Variants in FNDC3B observed in about 807,000 individuals in gnomAD.
The protein encoded by FNDC3B is fibronectin type III domain-containing protein 3B.
In FNDC3B, 12 loss-of-function variants were observed where a neutral mutation model predicts 151.5. That is an observed-to-expected ratio of 0.08 (90% CI 0.05 to 0.13). The LOEUF is 0.13. Ranked by LOEUF, FNDC3B falls within the 10% of genes least tolerant of loss-of-function variation. The probability of loss-of-function intolerance (pLI) is 1.00; values close to 1 mark genes in which losing one functional copy is unlikely to be tolerated. For missense variants in FNDC3B, 1,214 were observed against 1,505.3 expected (o/e 0.81, Z 3.20); for synonymous variants, 528 against 549.0 (o/e 0.96, Z 0.54).
chr3:172,068,362 A>G (rs2108482993), intron 1 of FNDC3B, among the ~76,000 whole-genome samples: 1 of 151,092 alleles, frequency 6.6e-6, no homozygotes, highest in African/African-American at 2.4e-5. Context: ...TTTTACTTGA[A>G]TTAATTTTGT....
At chr3:172,278,908 C>T (rs1280838982) in intron 6 of FNDC3B, among the ~76,000 whole-genome samples, 1 of 152,080 alleles carries the variant, frequency 6.6e-6, no homozygotes, top group Non-Finnish European at 1.5e-5. Flanking sequence ...GCCTGGGCAA[C>T]AGAGTGAGAC....
At chr3:172,199,186 A>AT (rs59302352) in intron 3 of FNDC3B, among the ~76,000 whole-genome samples, 8,410 of 128,164 alleles carry the variant, frequency 0.066, 584 homozygotes, top group African/African-American at 0.18. Context: ...TTTATTTTTT[A>AT]TTTTTTTTTT....
intron 20 of FNDC3B, 29 bp from the exon 21 acceptor site, chr3:172,347,168 CTTCTCAGTGGCATTA>C (rs779156998): frequency 6.4e-7 from 1 of 1,565,874 alleles, no homozygotes; most frequent in South Asian, 1.2e-5. Context: ...GTAGGATTCT[CTTCTCAGTGGCATTA>C]TTAACTACTT....
At chr3:172,146,205 G>T (rs1479635282) in intron 3 of FNDC3B, among the ~76,000 whole-genome samples, 3 of 152,152 alleles carry the variant, frequency 2.0e-5, no homozygotes, top group Non-Finnish European at 4.4e-5. Flanking sequence ...GGATTAAATT[G>T]GTTAATTTAT....
chr3:172,064,899 T>C lies in FNDC3B; in HGVS notation c.-29+25128T>C, dbSNP rs536831392. On this transcript the variant is annotated intron_variant, in intron 1 of 25. Transcript: ENST00000415807. ...TGAAGAAAGTGATTCTGCTAGTCAGTGGGGTTTAAAAACAAGTGTCCACCA... is the reference window on the plus strand; with the variant it reads ...TGAAGAAAGTGATTCTGCTAGTCAGCGGGGTTTAAAAACAAGTGTCCACCA... Among the ~76,000 whole-genome samples, 8 of 152,344 alleles carry C rather than the reference T, an allele frequency of 5.3e-5. 2 individuals are homozygous for C. Among genetic ancestry groups the C allele is most frequent in the African/African-American group, 1.9e-4 (8 of 41,582 alleles).
At chr3:172,220,926 T>C (rs1411748912) in intron 3 of FNDC3B, among the ~76,000 whole-genome samples, 1 of 60,704 alleles carries the variant, frequency 1.6e-5, no homozygotes, top group Non-Finnish European at 3.8e-5. Context: ...TCTGGCTCTA[T>C]TAAAAAAAAA....
At chr3:172,315,367 A>G (rs559415888) in intron 11 of FNDC3B, among the ~76,000 whole-genome samples, 1 of 152,304 alleles carries the variant, frequency 6.6e-6, no homozygotes, top group South Asian at 2.1e-4. Context: ...ACAGAGCGAG[A>G]CTTGTCTCTG....
intron 4 of FNDC3B, among the ~76,000 whole-genome samples, chr3:172,246,619 G>C (rs553829888): frequency 6.6e-6 from 1 of 152,220 alleles, no homozygotes; most frequent in African/African-American, 2.4e-5. Flanking sequence ...GGGCACGGTC[G>C]TGCATGCCTG....
chr3:172,181,401 A>AC (rs1336086987), intron 3 of FNDC3B, among the ~76,000 whole-genome samples: 1 of 145,120 alleles, frequency 6.9e-6, no homozygotes, highest in Non-Finnish European at 1.5e-5. Context: ...TCTCCAAAAA[A>AC]AAAAAAAAAA....
intron 6 of FNDC3B, among the ~76,000 whole-genome samples, chr3:172,259,365 A>G (rs1389077830): frequency 6.6e-6 from 1 of 152,210 alleles, no homozygotes; most frequent in Non-Finnish European, 1.5e-5. Flanking sequence ...GTAGGCTGCC[A>G]GATCTCTCTG....
chr3:172,362,803 A>G lies in FNDC3B; in HGVS notation c.2966A>G (p.Glu989Gly), dbSNP rs1734429158. 3 of 1,613,924 alleles carry G rather than the reference A, an allele frequency of 1.9e-6. No homozygotes were observed. Among genetic ancestry groups the G allele is most frequent in the African/African-American group, 1.3e-5 (1 of 74,930 alleles). ...AGTAACTCCAAGACACATGCTGCTG[A>G]GGACATTGTGTACACACTACAGCTG... Reference protein sequence around the residue: ...GDSNSKTHAAEDIVYTLQLED... With the variant: ...GDSNSKTHAAGDIVYTLQLED... Residue 989 changes from glutamate to glycine, a missense_variant, in exon 23 of 26, where the codon GAG becomes GGG. Coordinates refer to ENST00000415807, the MANE Select transcript of FNDC3B (RefSeq NM_022763.4).
intron 1 of FNDC3B, among the ~76,000 whole-genome samples, chr3:172,046,160 A>G (rs190830350): frequency 6.6e-6 from 1 of 152,296 alleles, no homozygotes; most frequent in Admixed American, 6.5e-5. Context: ...TCAGCCATCT[A>G]CATACAGATG....
intron 7 of FNDC3B, among the ~76,000 whole-genome samples, chr3:172,289,360 G>A (rs1052573397): frequency 7.2e-5 from 11 of 152,058 alleles, no homozygotes; most frequent in Admixed American, 6.5e-5. Context: ...TCCAGGTTAA[G>A]TCTCCCCTTC....
chr3:172,135,851 C>A (rs549538983), intron 3 of FNDC3B, among the ~76,000 whole-genome samples: 11 of 152,328 alleles, frequency 7.2e-5, no homozygotes, highest in Non-Finnish European at 1.5e-4. Flanking sequence ...GTGAATACTT[C>A]ATTCCAGTTG....
At chr3:172,290,845 G>A (rs536120957) in intron 7 of FNDC3B, among the ~76,000 whole-genome samples, 4 of 152,206 alleles carry the variant, frequency 2.6e-5, no homozygotes, top group African/African-American at 9.6e-5. Context: ...TTGTGGTGGT[G>A]TTTCTCATGA....
rs1247516460 is a variant in FNDC3B at position 172,247,611 on chromosome 3, T to C, written c.343T>C (p.Ser115Pro). The change falls in exon 5 of 26, where the codon TCA becomes CCA. Residue 115 changes from serine to proline, a missense_variant. Ser to Pro is a moderately conservative substitution (Grantham distance 74, BLOSUM62 -1). This residue lies in a region of FNDC3B where 113 missense variants were observed against 177.8 expected (regional missense o/e 0.64). Transcript: ENST00000415807. ...TGAGTGTTATCCCCCAAGCTACCCCTCAGCCATGTCTCCAACCCATCATCT... is the reference window on the plus strand; with the variant it reads ...TGAGTGTTATCCCCCAAGCTACCCCCCAGCCATGTCTCCAACCCATCATCT... ...SPECYPPSYP[S>P]AMSPTHHLPP... 1 of 1,614,116 alleles carries C rather than the reference T, an allele frequency of 6.2e-7. No individual in the cohort carries two copies. The highest frequency in any genetic ancestry group is 8.5e-7 in the Non-Finnish European group (1 of 1,180,006).
intron 25 of FNDC3B, among the ~76,000 whole-genome samples, chr3:172,395,438 C>T (rs777352090): frequency 6.6e-6 from 1 of 152,136 alleles, no homozygotes; most frequent in African/African-American, 2.4e-5. Flanking sequence ...GTAAACTGGT[C>T]ATTTTCAAGT....
At position 172,068,059 on chromosome 3, in the gene FNDC3B, C is replaced by T. The variant is rs543793282; in HGVS notation, c.-29+28288C>T. 9.2e-5 allele frequency among the ~76,000 whole-genome samples: 14 copies of T among 152,330 alleles called. No homozygotes were observed. The South Asian group carries it at 2.9e-3, about 32-fold the overall frequency. On this transcript the variant is annotated intron_variant, in intron 1 of 25. Transcript: ENST00000415807. ...CTGCCTTGCTTTCGGTCTACCTTTC[C>T]CAACTCTTCAGGCTCATCCTGGTGG...
chr3:172,386,471 G>C (rs962884792), intron 25 of FNDC3B, among the ~76,000 whole-genome samples: 2 of 152,168 alleles, frequency 1.3e-5, no homozygotes, highest in Non-Finnish European at 2.9e-5. Context: ...GGCTGGGCGC[G>C]GTGGCTTACG....
Sources: allele counts gnomAD v4.1 joint callset (sites outside exome capture counted in the v4.1 genomes callset), GRCh38; gene constraint gnomAD v4.1.1; regional missense constraint gnomAD v4.1.1; transcripts MANE v1.5; gene names NCBI Gene and HGNC (gene_info 2026-07-23, HGNC 2026-07-21).